ZBTB5: variants seen among roughly 807,000 people sequenced by gnomAD.
ZBTB5 encodes zinc finger and BTB domain containing 5.
A neutral mutation model predicts 37.9 loss-of-function variants in ZBTB5; 15 were observed. The ratio of observed to expected loss-of-function variants is 0.40; its 90% CI spans 0.26 to 0.61. The LOEUF is 0.61. ZBTB5 is among the 20% of genes least tolerant of loss of function. ZBTB5 has a pLI of 0.47. For synonymous variants in ZBTB5, 315 were observed against 312.4 expected (o/e 1.01, Z -0.09); for missense variants, 708 against 856.8 (o/e 0.83, Z 2.17).
In ZBTB5 at chr9:37,441,227, C is replaced by T; in HGVS notation, c.1325G>A (p.Ser442Asn). ...PNTTSDCRLESEAPYLLSPEA... is the reference protein window; with the variant it reads ...PNTTSDCRLENEAPYLLSPEA... ...TGGACTCAACAAATAGGGGGCCTCA[C>T]TCTCCAGCCTGCAGTCACTAGTGGT... The change falls in exon 2 of 2, where the codon AGT becomes AAT. Residue 442 changes from serine to asparagine, a missense_variant. By Grantham distance (46) the Ser-to-Asn change is conservative. This residue lies in a region of ZBTB5 where 639 missense variants were observed against 690.5 expected (regional missense o/e 0.93). Coordinates refer to ENST00000307750, the MANE Select transcript of ZBTB5 (RefSeq NM_014872.3). The T allele has an allele frequency of 6.2e-7, 1 of 1,614,210 alleles. No homozygotes were observed. Among genetic ancestry groups the T allele is most frequent in the Non-Finnish European group, 8.5e-7 (1 of 1,180,040 alleles).
Position 37,444,655 on chromosome 9 carries a change from A to T in ZBTB5, c.-4-2100T>A, listed in dbSNP as rs1320867302. On this transcript the variant is annotated intron_variant, in intron 1 of 1. Coordinates refer to ENST00000307750, the MANE Select transcript of ZBTB5 (RefSeq NM_014872.3). ...TTCGTCTTTGCCACAGCAGCACTAA[A>T]AGCTAGAAGATGACAGTTCCTTCAA... Among the ~76,000 whole-genome samples, 5 of 152,344 alleles carry T rather than the reference A, an allele frequency of 3.3e-5. No individual in the cohort carries two copies. The East Asian group carries it at 9.6e-4, about 29-fold the overall frequency.
rs1267711017 is a variant in ZBTB5, at chr9:37,465,369, T to G, written c.-159A>C. 3.8e-5 allele frequency: 1 copy of G among 26,486 alleles called. No homozygotes were observed. Among genetic ancestry groups the G allele is most frequent in the South Asian group, 1.1e-3 (1 of 904 alleles). The allele number at this position is 26,486 out of a possible 1,614,324, so 1.6% of individuals were successfully genotyped here. A position where few individuals can be genotyped will look rare whatever the true frequency, so the allele number is the denominator to read the frequency against. On this transcript the variant is annotated 5_prime_UTR_variant, in exon 1 of 2. Transcript: ENST00000307750. ...CCACCCGCCCCCCTCCCACCCCGCC[T>G]CTAGTCCCCTAGCTCCTCCAGCCAG... is the stretch of plus-strand genomic sequence containing the variant.
intron 1 of ZBTB5, among the ~76,000 whole-genome samples, chr9:37,462,996 A>G (rs1824322597): frequency 6.6e-6 from 1 of 152,052 alleles, no homozygotes; most frequent in African/African-American, 2.4e-5. Context: ...GAGCTGTTCC[A>G]TCACTCAATA....
chr9:37,460,229 G>A (rs1401340871), intron 1 of ZBTB5, among the ~76,000 whole-genome samples: 1 of 152,072 alleles, frequency 6.6e-6, no homozygotes, highest in East Asian at 2.0e-4. Context: ...ACTGAGGTCG[G>A]AAGTTCGAAA....
chr9:37,455,153 TC>T, intron 1 of ZBTB5, among the ~76,000 whole-genome samples: 1 of 152,146 alleles, frequency 6.6e-6, no homozygotes, highest in South Asian at 2.1e-4. Context: ...AACCCCAGGT[TC>T]CACAGGCAGA....
chr9:37,460,379 T>C (rs984206642), intron 1 of ZBTB5, among the ~76,000 whole-genome samples: 1 of 151,504 alleles, frequency 6.6e-6, no homozygotes, highest in Admixed American at 6.6e-5. Flanking sequence ...GAGGTTGCAG[T>C]GAGCCAAGAT....
chr9:37,457,957 C>T (rs1337575916), intron 1 of ZBTB5, among the ~76,000 whole-genome samples: 1 of 152,192 alleles, frequency 6.6e-6, no homozygotes, highest in Non-Finnish European at 1.5e-5. Context: ...TACTTTTGAA[C>T]TAAAGGCTAT....
chr9:37,456,510 C>T lies in ZBTB5; in HGVS notation c.-5+8705G>A, dbSNP rs186956914. Reference sequence around the variant, plus strand: ...TAAAACAGGAAAATTCCACTAGTGACTAAAGATGAGCATGACTGAGGAAGG... The same window carrying T: ...TAAAACAGGAAAATTCCACTAGTGATTAAAGATGAGCATGACTGAGGAAGG... On this transcript the variant is annotated intron_variant, in intron 1 of 1. Coordinates refer to ENST00000307750, the MANE Select transcript of ZBTB5 (RefSeq NM_014872.3). Among the ~76,000 whole-genome samples, 9 of 152,336 alleles carry T rather than the reference C, an allele frequency of 5.9e-5. No homozygotes were observed. In the Middle Eastern group the frequency reaches 0.01, roughly 173 times the overall value.
chr9:37,441,130 T>C lies in ZBTB5; in HGVS notation c.1422A>G (p.Ala474=). Residue 474 remains alanine (A), a synonymous_variant, in exon 2 of 2, where the codon GCA becomes GCG. Coordinates refer to ENST00000307750, the MANE Select transcript of ZBTB5 (RefSeq NM_014872.3). ...SHVENPFSEP[A]DSHFVRPMQE... Reference sequence around the variant, plus strand: ...GCATAGGCCTGACGAAGTGGGAGTCTGCAGGTTCACTAAATGGGTTCTCTA... The same window carrying C: ...GCATAGGCCTGACGAAGTGGGAGTCCGCAGGTTCACTAAATGGGTTCTCTA... 6.2e-7 allele frequency: 1 copy of C among 1,614,028 alleles called. No individual in the cohort carries two copies. The highest frequency in any genetic ancestry group is 8.5e-7 in the Non-Finnish European group (1 of 1,179,976).
In ZBTB5 at chr9:37,439,242, G is replaced by A. The variant is rs2118925301; in HGVS notation, c.*1276C>T. The A allele has an allele frequency of 6.6e-6, 1 of 152,334 alleles. No individual in the cohort carries two copies. The highest frequency in any genetic ancestry group is 6.5e-5 in the Admixed American group (1 of 15,306). 9.4% of individuals were successfully genotyped at this position (152,334 alleles called of 1,614,324 possible). A position where few individuals can be genotyped will look rare whatever the true frequency, so the allele number is the denominator to read the frequency against. On this transcript the variant is annotated 3_prime_UTR_variant, in exon 2 of 2. Transcript: ENST00000307750. ...GTCAGAGGACAGCAAGGTGAGGCTG[G>A]GGAAGTGAGGCTGTAGGGCCCAGAG...
At chr9:37,447,306 C>T in intron 1 of ZBTB5, among the ~76,000 whole-genome samples, 1 of 152,118 alleles carries the variant, frequency 6.6e-6, no homozygotes, top group East Asian at 1.9e-4. Flanking sequence ...GGGAAACCAC[C>T]CCCAGGATCC....
At chr9:37,456,018 C>T (rs937050720) in intron 1 of ZBTB5, among the ~76,000 whole-genome samples, 18 of 151,734 alleles carry the variant, frequency 1.2e-4, no homozygotes, top group African/African-American at 4.4e-4. Context: ...GGCCTGATCA[C>T]GGTTCACTGC....
At chr9:37,461,279 A>C (rs148121285) in intron 1 of ZBTB5, among the ~76,000 whole-genome samples, 3 of 152,242 alleles carry the variant, frequency 2.0e-5, no homozygotes, top group Non-Finnish European at 2.9e-5. Context: ...TAAGGACTAT[A>C]AAGGTGAAAG....
chr9:37,464,602 AG>A lies in ZBTB5; in HGVS notation c.-5+612del, dbSNP rs1824354522. On this transcript the variant is annotated intron_variant, in intron 1 of 1. Coordinates refer to ENST00000307750, the MANE Select transcript of ZBTB5 (RefSeq NM_014872.3). Reference sequence around the variant, plus strand: ...TTACATACAAATCTGTCCTCCAAACAGGAGAAGATGGGACGGCAGTGTCTTA... The same window carrying A: ...TTACATACAAATCTGTCCTCCAAACAGAGAAGATGGGACGGCAGTGTCTTA... Among the ~76,000 whole-genome samples the A allele has an allele frequency of 2.6e-5, 4 of 152,334 alleles. No homozygotes were observed. In the South Asian group the frequency reaches 8.3e-4, roughly 32 times the overall value.
chr9:37,442,661 T>C (rs1469562961), intron 1 of ZBTB5, 106 bp from the exon 2 acceptor site: 6 of 855,980 alleles, frequency 7.0e-6, no homozygotes, highest in South Asian at 1.8e-5. Flanking sequence ...GCTTGGACCT[T>C]TGAAGCCCGT....
intron 1 of ZBTB5, among the ~76,000 whole-genome samples, chr9:37,451,037 G>A (rs1051390249): frequency 6.6e-5 from 10 of 151,986 alleles, no homozygotes; most frequent in Non-Finnish European, 1.5e-4. Flanking sequence ...AAAAATAGCC[G>A]GGTGTGGTGA....
intron 1 of ZBTB5, among the ~76,000 whole-genome samples, chr9:37,449,377 G>A (rs867565959): frequency 1.3e-5 from 2 of 152,100 alleles, no homozygotes; most frequent in South Asian, 4.2e-4. Flanking sequence ...CCTACTCCAT[G>A]CACTCCACTC....
At chr9:37,459,860 G>A (rs1004447944) in intron 1 of ZBTB5, among the ~76,000 whole-genome samples, 2 of 151,578 alleles carry the variant, frequency 1.3e-5, no homozygotes, top group South Asian at 2.1e-4. Flanking sequence ...ACGGGCGCCC[G>A]CCACCACACC....
chr9:37,442,612 C>A, intron 1 of ZBTB5, 57 bp from the exon 2 acceptor site: 3 of 1,390,030 alleles, frequency 2.2e-6, no homozygotes, highest in Non-Finnish European at 2.9e-6. Flanking sequence ...AAAGTCAGAA[C>A]ACAAAGGGTA....
Sources: allele counts gnomAD v4.1 joint callset (sites outside exome capture counted in the v4.1 genomes callset), GRCh38; gene constraint gnomAD v4.1.1; regional missense constraint gnomAD v4.1.1; transcripts MANE v1.5; gene names NCBI Gene and HGNC (gene_info 2026-07-23, HGNC 2026-07-21).